HCLS1: variants seen among roughly 807,000 people sequenced by gnomAD.
HCLS1 encodes the protein hematopoietic cell-specific Lyn substrate 1.
In HCLS1, 44 loss-of-function variants were observed where a neutral mutation model predicts 68.6. The ratio of observed to expected loss-of-function variants is 0.64; its 90% CI spans 0.50 to 0.82. The LOEUF is 0.82. Ranked by LOEUF, HCLS1 falls within the 40% of genes least tolerant of loss-of-function variation. The pLI, the probability that HCLS1 is intolerant of heterozygous loss-of-function variation, is 0.00. For missense variants in HCLS1, 602 were observed against 612.1 expected (o/e 0.98, Z 0.17); for synonymous variants, 217 against 225.8 (o/e 0.96, Z 0.35).
At chr3:121,634,569 G>A (rs2049131641) in intron 9 of HCLS1, 151 bp from the exon 10 acceptor site, 5 of 717,892 alleles carry the variant, frequency 7.0e-6, no homozygotes, top group South Asian at 3.5e-5. Flanking sequence ...GAGGAACAAG[G>A]GATAATAGGA....
chr3:121,634,916 G>A (rs1576460900), intron 9 of HCLS1, among the ~76,000 whole-genome samples: 1 of 152,128 alleles, frequency 6.6e-6, no homozygotes, highest in South Asian at 2.1e-4. Flanking sequence ...ACAGGTGTGA[G>A]CCACCATGCC....
chr3:121,658,786 C>A (rs904286536), intron 1 of HCLS1, among the ~76,000 whole-genome samples: 7 of 152,198 alleles, frequency 4.6e-5, no homozygotes, highest in African/African-American at 1.7e-4. Flanking sequence ...TGTTGAAATA[C>A]AAATTGGTTC....
intron 2 of HCLS1, 31 bp from the exon 3 acceptor site, chr3:121,657,383 C>T (rs373336851): frequency 1.2e-4 from 187 of 1,609,304 alleles, no homozygotes; most frequent in Admixed American, 3.2e-4. Context: ...TAATACATGA[C>T]GGCAAGAAAT....
At chr3:121,647,284 A>AT in intron 4 of HCLS1, 35 bp downstream of exon 4, 3 of 1,611,194 alleles carry the variant, frequency 1.9e-6, no homozygotes, top group Non-Finnish European at 1.7e-6. Context: ...CCCGGCTTGT[A>AT]TTTTTTTAAA....
At chr3:121,649,534 C>T (rs1937694080) in intron 3 of HCLS1, among the ~76,000 whole-genome samples, 1 of 152,128 alleles carries the variant, frequency 6.6e-6, no homozygotes, top group Non-Finnish European at 1.5e-5. Context: ...CACGCCTGGC[C>T]TAAACAGGTC....
At chr3:121,649,847 T>C (rs959127054) in intron 3 of HCLS1, among the ~76,000 whole-genome samples, 1 of 147,184 alleles carries the variant, frequency 6.8e-6, no homozygotes, top group Non-Finnish European at 1.5e-5. Context: ...TCAATCTGTG[T>C]TTGTTTTTTA....
chr3:121,634,132 C>T, intron 10 of HCLS1, 75 bp downstream of exon 10: 2 of 1,591,742 alleles, frequency 1.3e-6, no homozygotes, highest in South Asian at 2.2e-5. Flanking sequence ...TATTTTCTGC[C>T]AATGGTTTGG....
chr3:121,637,107 G>T, intron 7 of HCLS1, 39 bp downstream of exon 7: 1 of 1,349,326 alleles, frequency 7.4e-7, no homozygotes, highest in Non-Finnish European at 1.1e-6. Flanking sequence ...GGAGATCCCT[G>T]TGCTATCTGT....
intron 4 of HCLS1, among the ~76,000 whole-genome samples, chr3:121,646,531 G>T (rs1173817385): frequency 9.8e-6 from 1 of 102,258 alleles, no homozygotes; most frequent in African/African-American, 4.0e-5. Flanking sequence ...TTATATATAA[G>T]TATATAAGTA....
In HCLS1 at chr3:121,647,415, C is replaced by G; in HGVS notation, c.192G>C (p.Glu64Asp). ...TCTCTTTCTTCCTGAGAACATCATG[C>G]TCCTCTGATACTTTGTTCCTCAGCT... ...IHQLRNKVSE[E>D]HDVLRKKEME... The change falls in exon 4 of 14, where the codon GAG (glutamate) becomes GAC (aspartate). Residue 64 changes from glutamate (E) to aspartate (D), a missense_variant. Coordinates refer to ENST00000314583, the MANE Select transcript of HCLS1 (RefSeq NM_005335.6). The G allele has an allele frequency of 6.2e-7, 1 of 1,614,092 alleles. No homozygotes were observed. The highest frequency in any genetic ancestry group is 1.1e-5 in the South Asian group (1 of 91,080).
intron 11 of HCLS1, 86 bp from the exon 12 acceptor site, chr3:121,632,649 AC>A: frequency 8.5e-7 from 1 of 1,179,148 alleles, no homozygotes. Flanking sequence ...GCCCTTCACC[AC>A]CCTGCCTCTT....
chr3:121,658,064 G>GT (rs1937912347), intron 2 of HCLS1, 200 bp downstream of exon 2: 1 of 551,090 alleles, frequency 1.8e-6, no homozygotes. Flanking sequence ...ACCCACACCT[G>GT]TCTCTTTTCA....
rs918449695 is a variant in HCLS1 at position 121,658,245 on chromosome 3, A to G, written c.84+19T>C. The G allele has an allele frequency of 8.1e-6, 13 of 1,602,846 alleles. No individual in the cohort carries two copies. The highest frequency in any genetic ancestry group is 1.3e-5 in the African/African-American group (1 of 74,630). Reference sequence around the variant, plus strand: ...CCCCACCCTCTGCACTGTCCAAGCAAAGCTACTTCCAAACTCACCACAAAG... The same window carrying G: ...CCCCACCCTCTGCACTGTCCAAGCAGAGCTACTTCCAAACTCACCACAAAG... On this transcript the variant is annotated intron_variant, in intron 2 of 13. Coordinates refer to ENST00000314583, the MANE Select transcript of HCLS1 (RefSeq NM_005335.6).
intron 11 of HCLS1, among the ~76,000 whole-genome samples, chr3:121,632,846 GA>G (rs1242404304): frequency 6.6e-6 from 1 of 151,692 alleles, no homozygotes; most frequent in Non-Finnish European, 1.5e-5. Context: ...GGGAGACCAA[GA>G]AAACATTGAA....
intron 4 of HCLS1, among the ~76,000 whole-genome samples, chr3:121,645,777 C>CA (rs2049240655): frequency 6.7e-6 from 1 of 149,534 alleles, no homozygotes; most frequent in Non-Finnish European, 1.5e-5. Flanking sequence ...ATGAATGAGT[C>CA]AAAAAATATA....
chr3:121,654,910 T>C (rs995088612), intron 3 of HCLS1, among the ~76,000 whole-genome samples: 6 of 152,158 alleles, frequency 3.9e-5, no homozygotes, highest in Non-Finnish European at 7.4e-5. Context: ...AATCCCCAAA[T>C]AGTGGAGACT....
At position 121,652,895 on chromosome 3, in the gene HCLS1, T is replaced by C. The variant is rs201263672; in HGVS notation, c.158+4384A>G. Among the ~76,000 whole-genome samples, 259 of 152,344 alleles carry C rather than the reference T, an allele frequency of 1.7e-3. 1 individual carries two copies. The highest frequency in any genetic ancestry group is 6.0e-3 in the African/African-American group (249 of 41,578). On this transcript the variant is annotated intron_variant, in intron 3 of 13. Transcript: ENST00000314583. Reference sequence around the variant, plus strand: ...AACAAAAGAATTACGGACATGACGATATTATGTTTATTAGACAAAAACAAT... The same window carrying C: ...AACAAAAGAATTACGGACATGACGACATTATGTTTATTAGACAAAAACAAT...
In HCLS1 at chr3:121,637,127, C is replaced by G; in HGVS notation, c.565+19G>C. 2 of 1,539,542 alleles carry G rather than the reference C, an allele frequency of 1.3e-6. No individual in the cohort carries two copies. The highest frequency in any genetic ancestry group is 2.2e-5 in the East Asian group (1 of 44,524). On this transcript the variant is annotated intron_variant, in intron 7 of 13. Transcript: ENST00000314583. Reference sequence around the variant, plus strand: ...TCCCTGTGCTATCTGTGACCTTCCCCCTTCCAACCCCAACTCACCTCTCTG... The same window carrying G: ...TCCCTGTGCTATCTGTGACCTTCCCGCTTCCAACCCCAACTCACCTCTCTG...
chr3:121,647,265 GC>G, intron 4 of HCLS1, 53 bp downstream of exon 4: 1 of 1,593,752 alleles, frequency 6.3e-7, no homozygotes. Context: ...ACAGGCGTGA[GC>G]CACCGCACCC....
Sources: gnomAD v4.1 joint callset for allele counts (sites outside exome capture counted in the v4.1 genomes callset) on GRCh38, gnomAD v4.1.1 for gene constraint, MANE v1.5 for transcripts, NCBI Gene and HGNC (gene_info 2026-07-23, HGNC 2026-07-21) for gene names.